PPARGC1A: variants seen among roughly 807,000 people sequenced by gnomAD.
PPARGC1A encodes PPARG coactivator 1 alpha, also known as peroxisome proliferator-activated receptor gamma coactivator 1-alpha.
In PPARGC1A, 25 loss-of-function variants were observed where a neutral mutation model predicts 88.7. That is an observed-to-expected ratio of 0.28 (90% CI 0.21 to 0.39). PPARGC1A has a LOEUF of 0.39. Among genes scored for constraint, PPARGC1A ranks in the 10% least tolerant of loss-of-function variants. The pLI is 1.00. For synonymous variants in PPARGC1A, 363 were observed against 355.6 expected (o/e 1.02, Z -0.24); for missense variants, 880 against 968.7 (o/e 0.91, Z 1.22).
rs45608431 is a variant in PPARGC1A, at chr4:23,812,700, A to G, written c.2019+47T>C. On this transcript the variant is annotated intron_variant, in intron 10 of 12. Coordinates refer to ENST00000264867, the MANE Select transcript of PPARGC1A (RefSeq NM_013261.5). ...TATCACCAAAAAAAGCACACAGAAA[A>G]AGAAGAAACCCTACTTTAAAATAAA... 3.8e-5 allele frequency: 61 copies of G among 1,604,506 alleles called. No homozygotes were observed. The African/African-American group carries it at 7.8e-4, about 21-fold the overall frequency.
chr4:23,970,365 G>C, the PPARGC1A span, among the ~76,000 whole-genome samples: 1 of 152,188 alleles, frequency 6.6e-6, no homozygotes, highest in South Asian at 2.1e-4. Flanking sequence ...GTTAATGGCA[G>C]GCTCTGAAGT....
the PPARGC1A span, among the ~76,000 whole-genome samples, chr4:24,095,249 C>G: frequency 1.3e-5 from 2 of 151,636 alleles, no homozygotes; most frequent in African/African-American, 4.9e-5. Flanking sequence ...TCCCGAGTAG[C>G]TGGGACTACA....
At chr4:24,249,594 G>A in the PPARGC1A span, among the ~76,000 whole-genome samples, 1 of 152,056 alleles carries the variant, frequency 6.6e-6, no homozygotes, top group Non-Finnish European at 1.5e-5. Flanking sequence ...TTCAACTTGA[G>A]GGTTGAGAGT....
At chr4:24,201,413 C>A in the PPARGC1A span, among the ~76,000 whole-genome samples, 1 of 152,236 alleles carries the variant, frequency 6.6e-6, no homozygotes, top group Non-Finnish European at 1.5e-5. Flanking sequence ...AATCCCTCCA[C>A]CTGGGTGTTG....
the PPARGC1A span, among the ~76,000 whole-genome samples, chr4:23,954,486 A>G: frequency 1.3e-5 from 2 of 152,040 alleles, no homozygotes; most frequent in Non-Finnish European, 1.5e-5. Flanking sequence ...GGTCTTCCAG[A>G]AAAAGCTCAC....
the PPARGC1A span, among the ~76,000 whole-genome samples, chr4:24,350,742 C>T: frequency 6.6e-6 from 1 of 152,290 alleles, no homozygotes; most frequent in Admixed American, 6.5e-5. Flanking sequence ...CTCTCATTCA[C>T]TACCGGCAGA....
At chr4:24,083,165 C>G in the PPARGC1A span, among the ~76,000 whole-genome samples, 2 of 152,202 alleles carry the variant, frequency 1.3e-5, no homozygotes, top group East Asian at 3.9e-4. Context: ...GGCAAATGAG[C>G]AAGATTTAGA....
the PPARGC1A span, among the ~76,000 whole-genome samples, chr4:24,422,286 T>C: frequency 1.4e-4 from 21 of 152,210 alleles, no homozygotes; most frequent in Non-Finnish European, 2.9e-5. Context: ...AAAGAAAAGT[T>C]TGCTGATCTT....
chr4:23,835,305 T>C (rs1409088364), intron 2 of PPARGC1A, among the ~76,000 whole-genome samples: 1 of 152,184 alleles, frequency 6.6e-6, no homozygotes, highest in African/African-American at 2.4e-5. Flanking sequence ...TTAATAAGTC[T>C]GGGAGAATGT....
the PPARGC1A span, among the ~76,000 whole-genome samples, chr4:24,050,199 GT>G: frequency 1.5e-5 from 2 of 134,674 alleles, no homozygotes; most frequent in Non-Finnish European, 3.1e-5. Flanking sequence ...GTGACCTTTT[GT>G]TTTTTTTTTT....
At chr4:23,814,986 A>G (rs1222101481) in intron 7 of PPARGC1A, among the ~76,000 whole-genome samples, 2 of 152,168 alleles carry the variant, frequency 1.3e-5, no homozygotes, top group African/African-American at 4.8e-5. Flanking sequence ...GAAAATTAAC[A>G]AAGTGAGACT....
chr4:24,466,338 A>G, the PPARGC1A span, among the ~76,000 whole-genome samples: 8 of 152,254 alleles, frequency 5.3e-5, no homozygotes, highest in African/African-American at 1.9e-4. Context: ...CAAACTTGCC[A>G]GAAATGTACA....
At chr4:24,316,735 T>C in the PPARGC1A span, among the ~76,000 whole-genome samples, 1 of 152,208 alleles carries the variant, frequency 6.6e-6, no homozygotes, top group East Asian at 1.9e-4. Context: ...TCCTTAAAGA[T>C]TTGTTTTGAG....
the PPARGC1A span, among the ~76,000 whole-genome samples, chr4:24,461,574 G>A: frequency 3.9e-5 from 6 of 152,126 alleles, no homozygotes; most frequent in East Asian, 1.2e-3. Context: ...TCATATGCAC[G>A]CACATATCAT....
the PPARGC1A span, among the ~76,000 whole-genome samples, chr4:24,304,629 C>A: frequency 4.6e-5 from 7 of 152,176 alleles, no homozygotes; most frequent in Non-Finnish European, 1.0e-4. Context: ...ATTCAACCCT[C>A]CTGTGCTCAG....
chr4:24,412,092 C>T, the PPARGC1A span, among the ~76,000 whole-genome samples: 9 of 152,320 alleles, frequency 5.9e-5, no homozygotes, highest in Admixed American at 5.9e-4. Flanking sequence ...AACTGCCAAA[C>T]AGTCTTTCAA....
At chr4:24,387,894 GAA>G in the PPARGC1A span, among the ~76,000 whole-genome samples, 3,378 of 96,912 alleles carry the variant, frequency 0.035, 268 homozygotes, top group African/African-American at 0.054. Context: ...AAGAAAGAAA[GAA>G]AAAGAAAGAG....
chr4:24,128,536 GTGTGTGTGTGT>G, the PPARGC1A span, among the ~76,000 whole-genome samples: 1 of 28,250 alleles, frequency 3.5e-5, no homozygotes, highest in Admixed American at 3.4e-4. Flanking sequence ...GTCACAGTGT[GTGTGTGTGTGT>G]GTGTGTGTGT....
the PPARGC1A span, among the ~76,000 whole-genome samples, chr4:23,943,989 A>T: frequency 6.6e-6 from 1 of 152,188 alleles, no homozygotes; most frequent in Non-Finnish European, 1.5e-5. Flanking sequence ...CCACCCAGAG[A>T]AGCCTATGGA....
Sources: allele counts gnomAD v4.1 joint callset (sites outside exome capture counted in the v4.1 genomes callset), GRCh38; gene constraint gnomAD v4.1.1; transcripts MANE v1.5; gene names NCBI Gene and HGNC (gene_info 2026-07-23, HGNC 2026-07-21).